DLG2: variants seen among roughly 807,000 people sequenced by gnomAD.
DLG2 encodes the protein discs large MAGUK scaffold protein 2.
A neutral mutation model predicts 132.5 loss-of-function variants in DLG2; 45 were observed. The ratio of observed to expected loss-of-function variants is 0.34; its 90% CI spans 0.27 to 0.44. The LOEUF (loss-of-function observed/expected upper bound fraction) is 0.44. Ranked by LOEUF, DLG2 falls within the 20% of genes least tolerant of loss-of-function variation. The probability of loss-of-function intolerance (pLI) is 1.00; values close to 1 mark genes in which losing one functional copy is unlikely to be tolerated. For missense variants in DLG2, 1,045 were observed against 1,196.9 expected, an observed-to-expected ratio of 0.87 and a Z score of 1.87; for synonymous variants, 424 against 419.6, an observed-to-expected ratio of 1.01 and a Z score of -0.13.
At chr11:84,910,943 G>A (rs1478056997) in intron 6 of DLG2, among the ~76,000 whole-genome samples, 1 of 152,068 alleles carries the variant, frequency 6.6e-6, no homozygotes, top group Non-Finnish European at 1.5e-5. Context: ...AAACAAAGAA[G>A]TTCCATGTTA....
At chr11:84,720,252 C>A in intron 6 of DLG2, 1 of 984,536 alleles carries the variant, frequency 1.0e-6, no homozygotes, top group Non-Finnish European at 1.2e-6. Flanking sequence ...TTCTCTCCCC[C>A]GAGGGAGGCA....
At chr11:85,151,065 TG>T (rs1427902798) in intron 5 of DLG2, among the ~76,000 whole-genome samples, 1 of 152,198 alleles carries the variant, frequency 6.6e-6, no homozygotes, top group Admixed American at 6.5e-5. Flanking sequence ...GGCATCCTAA[TG>T]GGTGTGAAAT....
intron 4 of DLG2, among the ~76,000 whole-genome samples, chr11:85,199,915 T>A (rs1451815110): frequency 1.3e-5 from 2 of 151,898 alleles, no homozygotes; most frequent in Admixed American, 6.6e-5. Flanking sequence ...GAACGCAGAA[T>A]ATTTTTGTAG....
intron 6 of DLG2, among the ~76,000 whole-genome samples, chr11:84,922,175 TAA>T (rs111271156): frequency 1.0e-3 from 145 of 140,920 alleles, no homozygotes; most frequent in Middle Eastern, 3.7e-3. Context: ...ATATTGACTT[TAA>T]AAAAAAAAAA....
chr11:83,469,452 T>A lies in DLG2; in HGVS notation c.2447-79A>T, dbSNP rs534821572. ...CTTTACACCTATATTCTCCACCACA[T>A]CCTCAACATTGATATGTAGAAATAT... On this transcript the variant is annotated intron_variant, in intron 24 of 27. Transcript: ENST00000376104. 6.8e-6 allele frequency: 7 copies of A among 1,033,606 alleles called. No individual in the cohort carries two copies. The Admixed American group carries it at 9.5e-5, about 14-fold the overall frequency. 64.0% of individuals were successfully genotyped at this position (1,033,606 alleles called of 1,614,324 possible).
chr11:84,246,359 T>C (rs937582273), intron 8 of DLG2, among the ~76,000 whole-genome samples: 2 of 152,254 alleles, frequency 1.3e-5, no homozygotes, highest in Non-Finnish European at 2.9e-5. Flanking sequence ...CTGCCCTTTA[T>C]TCACTTATTA....
intron 6 of DLG2, among the ~76,000 whole-genome samples, chr11:84,953,883 G>C (rs1203750963): frequency 6.6e-6 from 1 of 152,090 alleles, no homozygotes; most frequent in Non-Finnish European, 1.5e-5. Context: ...CAGTTGAAAT[G>C]CTTCAAGTTC....
At chr11:84,627,276 C>T (rs754686392) in intron 6 of DLG2, among the ~76,000 whole-genome samples, 27 of 152,178 alleles carry the variant, frequency 1.8e-4, no homozygotes, top group Non-Finnish European at 2.8e-4. Flanking sequence ...ACTTATTCAA[C>T]ATTCTCAGTT....
At chr11:84,686,979 T>A (rs1463696383) in intron 6 of DLG2, 1 of 151,982 alleles carries the variant, frequency 6.6e-6, no homozygotes, top group Non-Finnish European at 1.5e-5. Context: ...AGTTTAGGAG[T>A]GGGCATGTTT....
At chr11:85,446,023 C>G (rs1403058271) in intron 3 of DLG2, among the ~76,000 whole-genome samples, 1 of 152,192 alleles carries the variant, frequency 6.6e-6, no homozygotes, top group Non-Finnish European at 1.5e-5. Context: ...CCATTGTTTA[C>G]AACTTGTGGC....
intron 7 of DLG2, among the ~76,000 whole-genome samples, chr11:84,486,082 A>T (rs1207430498): frequency 6.6e-6 from 1 of 152,118 alleles, no homozygotes; most frequent in African/African-American, 2.4e-5. Context: ...TATTGGTCAG[A>T]ACTAATTATA....
intron 2 of DLG2, among the ~76,000 whole-genome samples, chr11:85,604,732 A>T (rs567310111): frequency 6.6e-6 from 1 of 152,312 alleles, no homozygotes; most frequent in African/African-American, 2.4e-5. Context: ...TTTTGCATGA[A>T]ATATGCAACC....
chr11:85,604,633 G>A lies in DLG2; in HGVS notation c.-92-5845C>T, dbSNP rs1045357601. On this transcript the variant is annotated intron_variant, in intron 2 of 27. Transcript: ENST00000376104. ...CTTCATAAGACTCCTGAGTCTACAG[G>A]AAAAAAAAAAAGCTAAATTTGGATT... Among the ~76,000 whole-genome samples, 8 of 144,098 alleles carry A rather than the reference G, an allele frequency of 5.6e-5. No homozygotes were observed. In the Admixed American group the frequency reaches 5.6e-4, roughly 10 times the overall value. The allele number at this position is 144,098 out of a possible 152,430, so 94.5% of individuals were successfully genotyped here.
intron 7 of DLG2, among the ~76,000 whole-genome samples, chr11:84,388,622 T>C (rs540214800): frequency 5.9e-5 from 9 of 151,946 alleles, no homozygotes; most frequent in Admixed American, 1.3e-4. Context: ...AATGTCATGT[T>C]TTAGAGAAGC....
chr11:83,754,386 T>C (rs1566835860), intron 18 of DLG2, among the ~76,000 whole-genome samples: 1 of 151,248 alleles, frequency 6.6e-6, no homozygotes. Flanking sequence ...TTGCAAATAA[T>C]GAATTTGGTT....
At chr11:83,715,400 A>T (rs1439650585) in intron 18 of DLG2, among the ~76,000 whole-genome samples, 1 of 152,240 alleles carries the variant, frequency 6.6e-6, no homozygotes, top group Non-Finnish European at 1.5e-5. Context: ...AACAGTTAAA[A>T]AGGGATTCCT....
At chr11:84,255,062 C>T (rs2097444547) in intron 7 of DLG2, among the ~76,000 whole-genome samples, 1 of 151,538 alleles carries the variant, frequency 6.6e-6, no homozygotes, top group Admixed American at 6.6e-5. Flanking sequence ...AGGACCTTCA[C>T]AGCCCACCCC....
intron 18 of DLG2, among the ~76,000 whole-genome samples, chr11:83,700,810 G>A (rs1159906799): frequency 1.3e-5 from 2 of 151,784 alleles, no homozygotes; most frequent in African/African-American, 4.8e-5. Context: ...TGCTCCATCT[G>A]CACTGAAAAG....
intron 7 of DLG2, among the ~76,000 whole-genome samples, chr11:84,325,453 A>G (rs1476472973): frequency 6.6e-6 from 1 of 151,978 alleles, no homozygotes; most frequent in African/African-American, 2.4e-5. Context: ...TTTTTTTGAA[A>G]TGAAATAAAT....
Sources: allele counts gnomAD v4.1 joint callset (sites outside exome capture counted in the v4.1 genomes callset), GRCh38; gene constraint gnomAD v4.1.1; transcripts MANE v1.5; gene names NCBI Gene and HGNC (gene_info 2026-07-23, HGNC 2026-07-21).